The following SGCZ variants were observed in gnomAD, a reference collection of about 807,000 sequenced individuals.
SGCZ encodes zeta-sarcoglycan.
Under a neutral mutation model 41.3 loss-of-function variants are expected in SGCZ, and 40 were observed. The ratio of observed to expected loss-of-function variants is 0.97; its 90% CI spans 0.75 to 1.26. The LOEUF (loss-of-function observed/expected upper bound fraction) is 1.26. Ranked by LOEUF, SGCZ falls within the 50% of genes most tolerant of loss-of-function variation. The pLI is 0.00. For missense variants in SGCZ, 552 were observed against 369.8 expected (o/e 1.49, Z -4.04); for synonymous variants, 206 against 137.5 (o/e 1.50, Z -3.49).
intron 2 of SGCZ, among the ~76,000 whole-genome samples, chr8:14,532,664 G>T (rs1056782638): frequency 7.2e-6 from 1 of 138,090 alleles, no homozygotes; most frequent in Non-Finnish European, 1.5e-5. Context: ...TGAGAGTTTA[G>T]GGAAAATGTG....
intron 4 of SGCZ, among the ~76,000 whole-genome samples, chr8:14,223,104 C>A (rs563985874): frequency 3.9e-5 from 6 of 152,114 alleles, no homozygotes; most frequent in African/African-American, 1.4e-4. Context: ...GCCATTGCCC[C>A]CGGCCCGTCA....
chr8:14,332,822 A>G (rs911621064), intron 2 of SGCZ, among the ~76,000 whole-genome samples: 2 of 151,184 alleles, frequency 1.3e-5, no homozygotes, highest in African/African-American at 4.9e-5. Flanking sequence ...TATAGAATAT[A>G]CTTATATGCA....
At chr8:14,654,588 T>C (rs1333969685) in intron 1 of SGCZ, among the ~76,000 whole-genome samples, 3 of 152,078 alleles carry the variant, frequency 2.0e-5, no homozygotes, top group Non-Finnish European at 4.4e-5. Flanking sequence ...TTGTTTTGTT[T>C]TGAGACAGAG....
At chr8:15,035,741 GGTCAGT>G (rs1169439698) in intron 1 of SGCZ, among the ~76,000 whole-genome samples, 1 of 151,842 alleles carries the variant, frequency 6.6e-6, no homozygotes, top group East Asian at 1.9e-4. Flanking sequence ...AAGACAAAAA[GGTCAGT>G]ACACAATAAT....
intron 1 of SGCZ, among the ~76,000 whole-genome samples, chr8:14,566,749 C>T (rs2117219941): frequency 6.6e-6 from 1 of 152,368 alleles, no homozygotes; most frequent in East Asian, 1.9e-4. Flanking sequence ...CAGCCCGCCG[C>T]TGCACTGTGG....
chr8:14,623,281 A>T (rs1424086424), intron 1 of SGCZ, among the ~76,000 whole-genome samples: 1 of 152,248 alleles, frequency 6.6e-6, no homozygotes, highest in Non-Finnish European at 1.5e-5. Context: ...AGCAACATTC[A>T]TAACACATTA....
intron 1 of SGCZ, among the ~76,000 whole-genome samples, chr8:14,620,573 G>A (rs1233284975): frequency 7.6e-6 from 1 of 131,582 alleles, no homozygotes; most frequent in Non-Finnish European, 1.6e-5. Context: ...AATCTACGAA[G>A]AACTCAAAAA....
chr8:14,606,925 G>A (rs1805769551), intron 1 of SGCZ, among the ~76,000 whole-genome samples: 1 of 152,090 alleles, frequency 6.6e-6, no homozygotes, highest in South Asian at 2.1e-4. Context: ...TCAATAAGTG[G>A]AAAATCCAGG....
intron 1 of SGCZ, among the ~76,000 whole-genome samples, chr8:15,193,321 A>G (rs1800602726): frequency 6.6e-6 from 1 of 152,146 alleles, no homozygotes; most frequent in Non-Finnish European, 1.5e-5. Context: ...ATTCTAAAGC[A>G]TTTAGGTACA....
rs576275794 is a variant in SGCZ, at chr8:14,435,467, T to G, written c.235-111263A>C. 7.9e-5 allele frequency among the ~76,000 whole-genome samples: 12 copies of G among 152,288 alleles called. No individual in the cohort carries two copies. The East Asian group carries it at 2.3e-3, about 29-fold the overall frequency. ...CTCCCTTCTCTTGAATTTTTTTCAC[T>G]CCTGTTTGTTCTTATATCCCTTTAC... is the stretch of plus-strand genomic sequence containing the variant. On this transcript the variant is annotated intron_variant, in intron 2 of 7. Coordinates refer to ENST00000382080, the MANE Select transcript of SGCZ (RefSeq NM_139167.4).
intron 1 of SGCZ, among the ~76,000 whole-genome samples, chr8:15,080,436 G>A (rs1269005270): frequency 6.6e-6 from 1 of 152,028 alleles, no homozygotes; most frequent in East Asian, 1.9e-4. Flanking sequence ...TTGGTAGTGT[G>A]CGTTAGGGAC....
At chr8:14,241,540 A>G (rs1405190464) in intron 3 of SGCZ, among the ~76,000 whole-genome samples, 1 of 87,728 alleles carries the variant, frequency 1.1e-5, no homozygotes, top group African/African-American at 4.8e-5. Context: ...TAACATAAAT[A>G]TCTTTTTTTT....
Position 15,191,789 on chromosome 8 carries a change from G to C in SGCZ, c.39+45796C>G, listed in dbSNP as rs540535777. Among the ~76,000 whole-genome samples, 129 of 152,166 alleles carry C rather than the reference G, an allele frequency of 8.5e-4. 2 individuals carry two copies. The highest frequency in any genetic ancestry group is 3.0e-3 in the African/African-American group (124 of 41,488). On this transcript the variant is annotated intron_variant, in intron 1 of 7. Coordinates refer to ENST00000382080, the MANE Select transcript of SGCZ (RefSeq NM_139167.4). ...TTTCAGAAAAGTGAGTGAAGTCTTT[G>C]TTTAAACTTCAACTCAGTCCTACCT...
chr8:15,042,813 A>C (rs1804155882), intron 1 of SGCZ, among the ~76,000 whole-genome samples: 1 of 152,180 alleles, frequency 6.6e-6, no homozygotes, highest in Admixed American at 6.5e-5. Flanking sequence ...AAACAAGAAG[A>C]GTTTTCGCTC....
chr8:15,085,340 G>A (rs369393004), intron 1 of SGCZ, among the ~76,000 whole-genome samples: 29 of 152,246 alleles, frequency 1.9e-4, no homozygotes, highest in Non-Finnish European at 3.2e-4. Context: ...ACAGAAAGGG[G>A]CAATGATCAG....
chr8:14,795,284 C>T (rs2130482293), intron 1 of SGCZ, among the ~76,000 whole-genome samples: 1 of 152,220 alleles, frequency 6.6e-6, no homozygotes, highest in East Asian at 1.9e-4. Flanking sequence ...TTAGGATTTA[C>T]TTAACATAGA....
chr8:15,197,878 G>C (rs940180502), intron 1 of SGCZ, among the ~76,000 whole-genome samples: 19 of 149,678 alleles, frequency 1.3e-4, no homozygotes, highest in Non-Finnish European at 2.8e-4. Context: ...CATTATATGT[G>C]TATATATACA....
intron 2 of SGCZ, among the ~76,000 whole-genome samples, chr8:14,530,852 T>G (rs747588247): frequency 6.6e-6 from 1 of 152,120 alleles, no homozygotes; most frequent in Non-Finnish European, 1.5e-5. Flanking sequence ...GTTCTTGTAG[T>G]GATAAATTAT....
At chr8:14,579,769 G>A (rs1005478483) in intron 1 of SGCZ, among the ~76,000 whole-genome samples, 1 of 152,118 alleles carries the variant, frequency 6.6e-6, no homozygotes. Context: ...ACCATAACAA[G>A]TACATGAGTT....
Sources: gnomAD v4.1 joint callset for allele counts (sites outside exome capture counted in the v4.1 genomes callset) on GRCh38, gnomAD v4.1.1 for gene constraint, MANE v1.5 for transcripts, NCBI Gene and HGNC (gene_info 2026-07-23, HGNC 2026-07-21) for gene names.